SH3RF1: variants seen among roughly 807,000 people sequenced by gnomAD.
The protein encoded by SH3RF1 is E3 ubiquitin-protein ligase SH3RF1.
A neutral mutation model predicts 74.0 loss-of-function variants in SH3RF1; 32 were observed. The ratio of observed to expected loss-of-function variants is 0.43; its 90% CI spans 0.33 to 0.58. SH3RF1 has a LOEUF of 0.58. Among genes scored for constraint, SH3RF1 ranks in the 20% least tolerant of loss-of-function variants. SH3RF1 has a pLI of 0.05. For missense variants in SH3RF1, 954 were observed against 1,130.9 expected (o/e 0.84, Z 2.24); for synonymous variants, 396 against 439.6 (o/e 0.90, Z 1.24).
intron 2 of SH3RF1, among the ~76,000 whole-genome samples, chr4:169,173,713 G>A (rs1343968536): frequency 6.6e-6 from 1 of 152,006 alleles, no homozygotes; most frequent in Non-Finnish European, 1.5e-5. Flanking sequence ...CTGAGCTTGT[G>A]AAATATGTGG....
chr4:169,181,541 G>A (rs192003422), intron 2 of SH3RF1, among the ~76,000 whole-genome samples: 38 of 151,192 alleles, frequency 2.5e-4, no homozygotes, highest in Non-Finnish European at 4.7e-4. Flanking sequence ...GATTACAGGC[G>A]TGAGCCACCG....
intron 2 of SH3RF1, among the ~76,000 whole-genome samples, chr4:169,209,010 C>G (rs1399156145): frequency 6.6e-6 from 1 of 152,134 alleles, no homozygotes; most frequent in Non-Finnish European, 1.5e-5. Context: ...GGCAGTAGGA[C>G]AGGGCGTGGT....
At chr4:169,158,709 T>C (rs1734101607) in intron 2 of SH3RF1, among the ~76,000 whole-genome samples, 1 of 152,198 alleles carries the variant, frequency 6.6e-6, no homozygotes, top group East Asian at 1.9e-4. Context: ...TAGAGCAATA[T>C]AGTTAGCATT....
At chr4:169,196,084 A>T (rs1734805880) in intron 2 of SH3RF1, among the ~76,000 whole-genome samples, 1 of 152,130 alleles carries the variant, frequency 6.6e-6, no homozygotes, top group Non-Finnish European at 1.5e-5. Context: ...CAAAGTGTTG[A>T]GATTACAGGA....
chr4:169,249,242 GA>G (rs146506519), intron 2 of SH3RF1, among the ~76,000 whole-genome samples: 2,373 of 151,014 alleles, frequency 0.016, 61 homozygotes, highest in African/African-American at 0.055. Flanking sequence ...AAAGAAAAAA[GA>G]AAAAAAAAGA....
At chr4:169,160,084 ACT>A (rs1320062387) in intron 2 of SH3RF1, among the ~76,000 whole-genome samples, 1 of 151,858 alleles carries the variant, frequency 6.6e-6, no homozygotes, top group Non-Finnish European at 1.5e-5. Flanking sequence ...GTGACAAATA[ACT>A]CTATTCACCA....
intron 11 of SH3RF1, among the ~76,000 whole-genome samples, chr4:169,103,086 A>ATTTTT (rs60740517): frequency 3.7e-4 from 32 of 87,048 alleles, no homozygotes; most frequent in Admixed American, 9.1e-4. Context: ...GCGCCTGGCT[A>ATTTTT]TTTTTTTTTT....
At chr4:169,097,333 G>A (rs145695215) in intron 11 of SH3RF1, among the ~76,000 whole-genome samples, 1 of 152,286 alleles carries the variant, frequency 6.6e-6, no homozygotes, top group East Asian at 1.9e-4. Flanking sequence ...ATGGAGGGGA[G>A]GGCTATGGCC....
intron 6 of SH3RF1, among the ~76,000 whole-genome samples, chr4:169,126,220 T>C (rs531820269): frequency 2.0e-4 from 30 of 152,356 alleles, no homozygotes; most frequent in African/African-American, 7.2e-4. Context: ...AGATCCTCAA[T>C]GAGCATTTCA....
intron 11 of SH3RF1, 149 bp downstream of exon 11, chr4:169,106,698 G>T: frequency 1.5e-6 from 1 of 659,368 alleles, no homozygotes. Flanking sequence ...CATGTCAAGT[G>T]GGAAAAGAAA....
chr4:169,241,254 C>G (rs1429611374), intron 2 of SH3RF1, among the ~76,000 whole-genome samples: 1 of 152,090 alleles, frequency 6.6e-6, no homozygotes, highest in Non-Finnish European at 1.5e-5. Context: ...AATAAACAAA[C>G]AAATAAAATA....
At chr4:169,130,205 C>G in intron 5 of SH3RF1, 49 bp from the exon 6 acceptor site, 6 of 1,252,836 alleles carry the variant, frequency 4.8e-6, no homozygotes, top group Non-Finnish European at 6.5e-6. Context: ...TTTAATACAA[C>G]AGAATATACT....
At chr4:169,097,782 G>C (rs1242032918) in intron 11 of SH3RF1, among the ~76,000 whole-genome samples, 1 of 152,156 alleles carries the variant, frequency 6.6e-6, no homozygotes, top group Non-Finnish European at 1.5e-5. Flanking sequence ...CCAATAAAAT[G>C]TTGCAGAAAT....
At chr4:169,117,003 G>T (rs1273467687) in intron 9 of SH3RF1, among the ~76,000 whole-genome samples, 2 of 152,008 alleles carry the variant, frequency 1.3e-5, no homozygotes, top group Non-Finnish European at 2.9e-5. Flanking sequence ...CTTTTCTTAT[G>T]AATCATTTTC....
chr4:169,254,825 T>C (rs966222702), intron 2 of SH3RF1, among the ~76,000 whole-genome samples: 1 of 152,070 alleles, frequency 6.6e-6, no homozygotes, highest in African/African-American at 2.4e-5. Flanking sequence ...TTGGATAGCG[T>C]CCAAAGGAGA....
chr4:169,144,364 T>C (rs1262459841), intron 4 of SH3RF1, among the ~76,000 whole-genome samples: 2 of 152,164 alleles, frequency 1.3e-5, no homozygotes, highest in Non-Finnish European at 2.9e-5. Context: ...CAAACAAAAA[T>C]ATCCCATTCA....
intron 2 of SH3RF1, among the ~76,000 whole-genome samples, chr4:169,252,552 G>A (rs1014634533): frequency 2.6e-5 from 4 of 152,248 alleles, no homozygotes; most frequent in Non-Finnish European, 4.4e-5. Context: ...AACTCTGCCT[G>A]ATTGCCAGAT....
intron 2 of SH3RF1, among the ~76,000 whole-genome samples, chr4:169,238,296 T>C (rs570190390): frequency 1.4e-4 from 22 of 152,342 alleles, no homozygotes; most frequent in Admixed American, 9.8e-4. Flanking sequence ...AGAAAGGAAC[T>C]ACCTACCAGG....
chr4:169,183,779 C>CA (rs1204459459), intron 2 of SH3RF1, among the ~76,000 whole-genome samples: 45 of 146,576 alleles, frequency 3.1e-4, no homozygotes, highest in African/African-American at 1.0e-3. Context: ...CAAAACAGAA[C>CA]AAAAAAAACT....
Sources: allele counts gnomAD v4.1 joint callset (sites outside exome capture counted in the v4.1 genomes callset), GRCh38; gene constraint gnomAD v4.1.1; transcripts MANE v1.5; gene names NCBI Gene and HGNC (gene_info 2026-07-23, HGNC 2026-07-21).